The following TJP1 variants were observed in gnomAD, a reference collection of about 807,000 sequenced individuals.
The protein encoded by TJP1 is tight junction protein 1.
Under a neutral mutation model 194.2 loss-of-function variants are expected in TJP1, and 43 were observed. The observed-to-expected ratio is 0.22, with a 90% confidence interval of 0.17 to 0.29. TJP1 has a LOEUF of 0.29. Among genes scored for constraint, TJP1 ranks in the 10% least tolerant of loss-of-function variants. The probability of loss-of-function intolerance (pLI) is 1.00; values close to 1 mark genes in which losing one functional copy is unlikely to be tolerated. For synonymous variants in TJP1, 801 were observed against 779.0 expected (o/e 1.03, Z -0.47); for missense variants, 1,971 against 2,185.7 (o/e 0.90, Z 1.96).
At chr15:29,885,281 A>G (rs1169064251) in intron 2 of TJP1, among the ~76,000 whole-genome samples, 1 of 152,210 alleles carries the variant, frequency 6.6e-6, no homozygotes, top group East Asian at 1.9e-4. Flanking sequence ...GAAAATGAGT[A>G]CGTGTCAGCT....
At position 29,911,638 on chromosome 15, in the gene TJP1, C is replaced by T. The variant is rs144506278; in HGVS notation, c.306+44594G>A. Among the ~76,000 whole-genome samples, 232 of 152,174 alleles carry T rather than the reference C, an allele frequency of 1.5e-3. 2 individuals carry two copies. Among genetic ancestry groups the T allele is most frequent in the African/African-American group, 4.8e-3 (198 of 41,512 alleles). On this transcript the variant is annotated intron_variant, in intron 2 of 28. Coordinates refer to the TJP1 transcript ENST00000356107. ...CAGATCTTGTGAGAACTCACTGTCA[C>T]GAGAACAGCAAGGGGGAAATCCACC... is the stretch of plus-strand genomic sequence containing the variant.
chr15:29,758,892 C>A (rs1427724041), intron 8 of TJP1: 2 of 152,184 alleles, frequency 1.3e-5, no homozygotes, highest in Admixed American at 1.3e-4. Context: ...CACCAGGGTT[C>A]TCATAATTTA....
At chr15:29,799,489 A>G (rs1049982628) in intron 2 of TJP1, among the ~76,000 whole-genome samples, 1 of 150,706 alleles carries the variant, frequency 6.6e-6, no homozygotes, top group Non-Finnish European at 1.5e-5. Flanking sequence ...ATCTCGGCTC[A>G]CTGCAAGCTC....
intron 4 of TJP1, among the ~76,000 whole-genome samples, chr15:29,768,165 A>C (rs12912041): frequency 6.6e-6 from 1 of 152,194 alleles, no homozygotes; most frequent in East Asian, 1.9e-4. Context: ...GATCAGGATG[A>C]GGGCCTGAGC....
chr15:29,783,727 A>C (rs1024003894), intron 2 of TJP1, among the ~76,000 whole-genome samples: 2 of 152,226 alleles, frequency 1.3e-5, no homozygotes, highest in Non-Finnish European at 2.9e-5. Flanking sequence ...CAAACACTGC[A>C]TGTTCTCACT....
At chr15:29,856,852 C>T (rs1308405759) in intron 2 of TJP1, among the ~76,000 whole-genome samples, 4 of 148,616 alleles carry the variant, frequency 2.7e-5, no homozygotes, top group South Asian at 2.1e-4. Context: ...AGCAAGACTC[C>T]GTCTCAAAAA....
At chr15:29,838,121 A>T (rs1446770289) in intron 2 of TJP1, among the ~76,000 whole-genome samples, 1 of 152,206 alleles carries the variant, frequency 6.6e-6, no homozygotes, top group Non-Finnish European at 1.5e-5. Context: ...ATTTTGAAAC[A>T]ATCGTAGATT....
intron 2 of TJP1, among the ~76,000 whole-genome samples, chr15:29,894,107 G>A (rs1163637235): frequency 1.3e-5 from 2 of 152,126 alleles, no homozygotes; most frequent in African/African-American, 2.4e-5. Context: ...TAGAAATGAA[G>A]TCACTTAAGG....
chr15:29,772,057 T>C lies in TJP1; in HGVS notation c.312+7A>G, dbSNP rs765360610. 4 of 1,568,254 alleles carry C rather than the reference T, an allele frequency of 2.6e-6. No individual in the cohort carries two copies. The highest frequency in any genetic ancestry group is 1.2e-5 in the South Asian group (1 of 86,556). Reference sequence around the variant, plus strand: ...CCTTTACTAAATTACAGAGAAAAGATACTTACAATTTTTGCATTTTTCCCA... The same window carrying C: ...CCTTTACTAAATTACAGAGAAAAGACACTTACAATTTTTGCATTTTTCCCA... On this transcript the variant is annotated splice_region_variant and intron_variant, in intron 4 of 27. Coordinates refer to ENST00000614355, the MANE Select transcript of TJP1 (RefSeq NM_001330239.4).
Position 29,852,904 on chromosome 15 carries a change from C to CA in TJP1, c.307-52203dup, listed in dbSNP as rs533028834. Among the ~76,000 whole-genome samples the CA allele has an allele frequency of 9.1e-3, 1,174 of 128,746 alleles. 8 individuals are homozygous for CA. Among genetic ancestry groups the CA allele is most frequent in the African/African-American group, 0.02 (691 of 34,936 alleles). The allele number at this position is 128,746 out of a possible 152,430, so 84.5% of individuals were successfully genotyped here. A position where few individuals can be genotyped will look rare whatever the true frequency, so the allele number is the denominator to read the frequency against. On this transcript the variant is annotated intron_variant, in intron 2 of 28. Coordinates refer to the TJP1 transcript ENST00000356107. ...GGGCAACCACAGCGAAACTTCATCT[C>CA]AAAAAAAAAAAACAAAAAAACTTAG...
At chr15:29,741,235 TA>T in intron 10 of TJP1, 95 bp downstream of exon 10, 1 of 884,346 alleles carries the variant, frequency 1.1e-6, no homozygotes, top group Non-Finnish European at 1.8e-6. Flanking sequence ...TGTACTATTT[TA>T]AAAAATATAT....
intron 25 of TJP1, among the ~76,000 whole-genome samples, chr15:29,706,712 G>GTA (rs2041923196): frequency 6.6e-6 from 1 of 152,210 alleles, no homozygotes; most frequent in African/African-American, 2.4e-5. Flanking sequence ...CCAGGCTAGA[G>GTA]TACAGCGGTG....
chr15:29,834,215 A>G, intron 2 of TJP1, among the ~76,000 whole-genome samples: 1 of 144,796 alleles, frequency 6.9e-6, no homozygotes, highest in Admixed American at 7.3e-5. Flanking sequence ...GAATCTTGTG[A>G]GTAAATAGGG....
chr15:29,741,244 T>G, intron 10 of TJP1, 87 bp downstream of exon 10: 1 of 943,508 alleles, frequency 1.1e-6, no homozygotes. Context: ...TTAAAAAATA[T>G]ATGCAATATG....
chr15:29,860,343 G>C (rs1031062982), intron 2 of TJP1, among the ~76,000 whole-genome samples: 1 of 152,086 alleles, frequency 6.6e-6, no homozygotes, highest in Admixed American at 6.5e-5. Context: ...TGTCCATTCC[G>C]TCTTCAAGTA....
intron 23 of TJP1, 49 bp from the exon 24 acceptor site, chr15:29,711,049 T>C: frequency 6.6e-7 from 1 of 1,510,038 alleles, no homozygotes; most frequent in South Asian, 1.4e-5. Flanking sequence ...GACTCACATT[T>C]ACAAAACAAG....
Position 29,771,989 on chromosome 15 carries a change from T to C in TJP1, c.312+75A>G, listed in dbSNP as rs186093600. ...TTCAGTTTTCCTTAAATGGGAAGGATAAATTCAAATACCAGAAATGTATCA... is the reference window on the plus strand; with the variant it reads ...TTCAGTTTTCCTTAAATGGGAAGGACAAATTCAAATACCAGAAATGTATCA... On this transcript the variant is annotated intron_variant, in intron 4 of 27. Transcript: ENST00000614355. 2.8e-5 allele frequency: 26 copies of C among 930,674 alleles called. No individual in the cohort carries two copies. In the Admixed American group the frequency reaches 3.2e-4, roughly 12 times the overall value. The allele number at this position is 930,674 out of a possible 1,614,324, so 57.7% of individuals were successfully genotyped here.
intron 2 of TJP1, among the ~76,000 whole-genome samples, chr15:29,791,413 C>CTTTTTT (rs34201715): frequency 1.4e-4 from 7 of 51,202 alleles, no homozygotes; most frequent in African/African-American, 1.6e-4. Flanking sequence ...CCATAATATT[C>CTTTTTT]TTTTTTTTTT....
intron 10 of TJP1, chr15:29,741,105 A>T: frequency 2.9e-6 from 1 of 340,346 alleles, no homozygotes; most frequent in Non-Finnish European, 5.3e-6. Flanking sequence ...AAAGCTAGGC[A>T]GGAGACAGCG....
Sources: gnomAD v4.1 joint callset for allele counts (sites outside exome capture counted in the v4.1 genomes callset) on GRCh38, gnomAD v4.1.1 for gene constraint, MANE v1.5 for transcripts, NCBI Gene and HGNC (gene_info 2026-07-23, HGNC 2026-07-21) for gene names.